The following BSDC1 variants were observed in gnomAD, a reference collection of about 807,000 sequenced individuals.
The protein encoded by BSDC1 is BSD domain-containing protein 1.
Under a neutral mutation model 56.0 loss-of-function variants are expected in BSDC1, and 29 were observed. The ratio of observed to expected loss-of-function variants is 0.52; its 90% CI spans 0.39 to 0.71. BSDC1 has a LOEUF of 0.71. Ranked by LOEUF, BSDC1 falls within the 30% of genes least tolerant of loss-of-function variation. The pLI is 0.00. For synonymous variants in BSDC1, 210 were observed against 215.3 expected (o/e 0.98, Z 0.21); for missense variants, 477 against 548.5 (o/e 0.87, Z 1.30).
chr1:32,376,234 C>G, intron 9 of BSDC1, 28 bp downstream of exon 9: 1 of 1,446,752 alleles, frequency 6.9e-7, no homozygotes, highest in South Asian at 1.6e-5. Context: ...CCGCACACAA[C>G]CCTCTGGGCT....
At chr1:32,370,416 T>C (rs945465385) in intron 9 of BSDC1, among the ~76,000 whole-genome samples, 2 of 152,194 alleles carry the variant, frequency 1.3e-5, no homozygotes, top group Non-Finnish European at 2.9e-5. Context: ...TGTTCTCTTA[T>C]GTATTTCAAG....
chr1:32,383,154 A>G (rs1458553660), intron 4 of BSDC1, among the ~76,000 whole-genome samples: 3 of 152,170 alleles, frequency 2.0e-5, no homozygotes, highest in African/African-American at 7.2e-5. Context: ...GACATTAAAA[A>G]TTATGGCTGG....
At chr1:32,389,725 G>C (rs541043519) in intron 2 of BSDC1, among the ~76,000 whole-genome samples, 1 of 152,150 alleles carries the variant, frequency 6.6e-6, no homozygotes, top group Non-Finnish European at 1.5e-5. Context: ...AGCCGAGGCA[G>C]GAGGATTGCT....
intron 5 of BSDC1, 21 bp downstream of exon 5, chr1:32,381,193 C>A: frequency 1.2e-6 from 2 of 1,613,402 alleles, no homozygotes; most frequent in Non-Finnish European, 1.7e-6. Flanking sequence ...CAAGCCCACC[C>A]GCTCAGTGCT....
At chr1:32,379,110 C>G (rs1642399290) in intron 5 of BSDC1, among the ~76,000 whole-genome samples, 1 of 152,150 alleles carries the variant, frequency 6.6e-6, no homozygotes. Context: ...TCTGAAACAG[C>G]TGTTCTCAGG....
At chr1:32,393,454 C>G (rs1432344077) in intron 2 of BSDC1, 1 of 152,586 alleles carries the variant, frequency 6.6e-6, no homozygotes, top group Non-Finnish European at 1.5e-5. Context: ...CAGGGTTGCC[C>G]TTGATGAGGT....
chr1:32,380,750 G>A (rs554707977), intron 5 of BSDC1, among the ~76,000 whole-genome samples: 142 of 152,288 alleles, frequency 9.3e-4, no homozygotes, highest in African/African-American at 3.3e-3. Context: ...CTGCTGCCCC[G>A]CTGCTCTGCA....
intron 8 of BSDC1, 29 bp downstream of exon 8, chr1:32,377,941 C>G: frequency 6.3e-7 from 1 of 1,595,330 alleles, no homozygotes; most frequent in South Asian, 1.1e-5. Context: ...AGATGTGACA[C>G]TTGCCCCTCA....
intron 10 of BSDC1, chr1:32,367,694 G>C: frequency 2.0e-6 from 2 of 984,972 alleles, no homozygotes; most frequent in African/African-American, 1.7e-5. Context: ...GATTCTGAGA[G>C]GTAGTGAAGA....
In BSDC1 at chr1:32,378,429, A is replaced by G. The variant is rs1642371127; in HGVS notation, c.529-146T>C. The G allele has an allele frequency of 1.2e-6, 1 of 814,888 alleles. No individual in the cohort carries two copies. Among genetic ancestry groups the G allele is most frequent in the African/African-American group, 1.7e-5 (1 of 58,680 alleles). The allele number at this position is 814,888 out of a possible 1,614,324, so 50.5% of individuals were successfully genotyped here. ...TGACAGTCAGAGCACTTCCACCCCC[A>G]CCAAAGTTTCAGCCAGACCCACCTT... On this transcript the variant is annotated intron_variant, in intron 6 of 10. Transcript: ENST00000455895. The surrounding 1 kb of genome is among the most constrained non-coding windows in gnomAD (Gnocchi z 5.2).
At chr1:32,367,455 TCA>T (rs1197571038) in intron 10 of BSDC1, 2 of 985,284 alleles carry the variant, frequency 2.0e-6, no homozygotes, top group Non-Finnish European at 2.4e-6. Context: ...CCCCAAGGCT[TCA>T]GTTTCCCATC....
intron 2 of BSDC1, among the ~76,000 whole-genome samples, chr1:32,387,530 G>A (rs1397302232): frequency 6.6e-6 from 1 of 152,036 alleles, no homozygotes; most frequent in Non-Finnish European, 1.5e-5. Context: ...TAGTAGAGAT[G>A]GGGTTTCTCC....
intron 2 of BSDC1, chr1:32,393,720 A>G (rs1305448805): frequency 3.5e-6 from 1 of 283,324 alleles, no homozygotes; most frequent in Non-Finnish European, 6.8e-6. Flanking sequence ...TTGAATGACT[A>G]TACGAGTAAG....
chr1:32,367,261 T>G (rs1641887842), intron 10 of BSDC1: 1 of 985,346 alleles, frequency 1.0e-6, no homozygotes, highest in Admixed American at 6.1e-5. Context: ...TGCTGTCGGC[T>G]AAGCCCTGGT....
At chr1:32,370,008 C>T (rs867734064) in intron 9 of BSDC1, among the ~76,000 whole-genome samples, 5 of 152,320 alleles carry the variant, frequency 3.3e-5, no homozygotes, top group South Asian at 4.1e-4. Flanking sequence ...GACGGAGTCT[C>T]GCTCTGTTGC....
Position 32,378,102 on chromosome 1 carries a change from C to T in BSDC1, c.598-54G>A. 6.3e-7 allele frequency: 1 copy of T among 1,597,518 alleles called. No homozygotes were observed. Among genetic ancestry groups the T allele is most frequent in the Admixed American group, 1.7e-5 (1 of 59,012 alleles). On this transcript the variant is annotated intron_variant, in intron 7 of 10. Coordinates refer to ENST00000455895, the MANE Select transcript of BSDC1 (RefSeq NM_018045.8). The surrounding 1 kb of genome is among the most constrained non-coding windows in gnomAD (Gnocchi z 5.2). ...GCAGTCAGGGCACCCTCTTCCTAGA[C>T]CCTGGTCCTGATCCCACAACTCTTG... is the stretch of plus-strand genomic sequence containing the variant.
At chr1:32,385,706 A>AAG (rs1027479153) in intron 3 of BSDC1, among the ~76,000 whole-genome samples, 3 of 151,598 alleles carry the variant, frequency 2.0e-5, no homozygotes, top group African/African-American at 7.3e-5. Flanking sequence ...CAGCCTGGGC[A>AAG]AGAGAGAGAG....
intron 10 of BSDC1, chr1:32,367,242 C>A (rs1557632383): frequency 1.0e-6 from 1 of 985,354 alleles, no homozygotes; most frequent in African/African-American, 1.7e-5. Flanking sequence ...TTTGTTCCTA[C>A]TCTTGGCCTG....
At chr1:32,377,500 TATTA>T (rs1252700585) in intron 8 of BSDC1, among the ~76,000 whole-genome samples, 1 of 152,172 alleles carries the variant, frequency 6.6e-6, no homozygotes, top group East Asian at 1.9e-4. Flanking sequence ...AATGCGTTAA[TATTA>T]TATCATCCAG....
Sources: gnomAD v4.1 joint callset for allele counts (sites outside exome capture counted in the v4.1 genomes callset) on GRCh38, gnomAD v4.1.1 for gene constraint, Gnocchi (gnomAD v3.1) non-coding constraint, MANE v1.5 for transcripts, NCBI Gene and HGNC (gene_info 2026-07-23, HGNC 2026-07-21) for gene names.